The following PCDHGA6 variants were observed in gnomAD, a reference collection of about 807,000 sequenced individuals.
PCDHGA6 encodes the protein protocadherin gamma subfamily A, 6, also known as protocadherin gamma-A6.
In PCDHGA6, 41 loss-of-function variants were observed where a neutral mutation model predicts 60.6. The observed-to-expected ratio is 0.68, with a 90% CI of 0.53 to 0.88. The LOEUF is 0.88. PCDHGA6 is among the 40% of genes least tolerant of loss of function. The pLI, the probability that PCDHGA6 is intolerant of heterozygous loss-of-function variation, is 0.00. For missense variants in PCDHGA6, 1,312 were observed against 1,203.0 expected (o/e 1.09, Z -1.34); for synonymous variants, 594 against 524.4 (o/e 1.13, Z -1.81).
chr5:141,432,800 C>T lies in PCDHGA6; in HGVS notation c.2424+56293C>T. The T allele has an allele frequency of 6.2e-7, 1 of 1,614,156 alleles. No individual in the cohort carries two copies. The highest frequency in any genetic ancestry group is 8.5e-7 in the Non-Finnish European group (1 of 1,180,008). ...GGCGGACCTCGGCAGCCTCGAGTCT[C>T]CAGCTAACTCTGAAACCTCAGACCT... On this transcript the variant is annotated intron_variant, in intron 1 of 3. Transcript: ENST00000517434. This position sits in a 1 kb window ranked among gnomAD's most constrained non-coding sequence, Gnocchi z 6.0.
chr5:141,455,140 A>G (rs1465733732), intron 1 of PCDHGA6, among the ~76,000 whole-genome samples: 1 of 150,512 alleles, frequency 6.6e-6, no homozygotes, highest in Non-Finnish European at 1.5e-5. Context: ...ACACTGTGTT[A>G]AATAAATATT....
chr5:141,495,199 G>A (rs1205495643), intron 2 of PCDHGA6, among the ~76,000 whole-genome samples: 1 of 152,164 alleles, frequency 6.6e-6, no homozygotes, highest in African/African-American at 2.4e-5. Context: ...CCCATGTACT[G>A]CCTAACCCCC....
chr5:141,384,431 C>T (rs750392601), intron 1 of PCDHGA6: 1 of 1,614,000 alleles, frequency 6.2e-7, no homozygotes, highest in South Asian at 1.1e-5. Context: ...AACTCTGACA[C>T]TGGAGTCCTG....
Position 141,374,708 on chromosome 5 carries a change from C to G in PCDHGA6, c.625C>G (p.Arg209Gly). The G allele has an allele frequency of 1.2e-6, 2 of 1,609,146 alleles. No individual in the cohort carries two copies. Among genetic ancestry groups the G allele is most frequent in the East Asian group, 2.2e-5 (1 of 44,676 alleles). The change falls in exon 1 of 4, where the codon CGC (arginine) becomes GGC (glycine). Residue 209 changes from arginine to glycine, a missense_variant. Coordinates refer to ENST00000517434, the MANE Select transcript of PCDHGA6 (RefSeq NM_018919.3). ...TLDREGEAVY[R>G]LVLTAMDGGD... is the part of the protein sequence containing the mutation. ...GGACCGGGAAGGAGAAGCCGTTTAC[C>G]GCCTGGTCCTTACTGCCATGGATGG...
rs955615446 is a variant in PCDHGA6 at position 141,420,343 on chromosome 5, ATTATT to A, written c.2424+43840_2424+43844del. Reference sequence around the variant, plus strand: ...TGCCAATATATTCCAATATAGTGGTATTATTTTAAGATTCTAGATAACTTCTTCAT... The same window carrying A: ...TGCCAATATATTCCAATATAGTGGTATTAAGATTCTAGATAACTTCTTCAT... On this transcript the variant is annotated intron_variant, in intron 1 of 3. Transcript: ENST00000517434. 8 of 1,394,426 alleles carry A rather than the reference ATTATT, an allele frequency of 5.7e-6. No homozygotes were observed. In the African/African-American group the frequency reaches 1.2e-4, roughly 20 times the overall value. 86.4% of individuals were successfully genotyped at this position (1,394,426 alleles called of 1,614,324 possible).
chr5:141,383,970 T>A (rs754557705), intron 1 of PCDHGA6: 1 of 1,613,730 alleles, frequency 6.2e-7, no homozygotes, highest in Admixed American at 1.7e-5. Context: ...GCTCAATCCC[T>A]GAAGACACAC....
chr5:141,419,084 GC>G (rs1218012099), intron 1 of PCDHGA6: 1 of 1,613,802 alleles, frequency 6.2e-7, no homozygotes, highest in African/African-American at 1.3e-5. Flanking sequence ...AACAGATGAG[GC>G]CCTGGATCGG....
At chr5:141,404,568 G>A (rs2094540345) in intron 1 of PCDHGA6, 1 of 1,613,868 alleles carries the variant, frequency 6.2e-7, no homozygotes, top group Non-Finnish European at 8.5e-7. Flanking sequence ...GACAGTGGAA[G>A]CCCACCACTT....
intron 1 of PCDHGA6, chr5:141,383,002 G>C (rs376825891): frequency 1.2e-6 from 2 of 1,613,768 alleles, no homozygotes; most frequent in African/African-American, 1.3e-5. Context: ...TCTCTACTCC[G>C]TGTCGGAGGA....
intron 1 of PCDHGA6, chr5:141,383,042 T>C (rs1397489820): frequency 6.2e-7 from 1 of 1,613,842 alleles, no homozygotes; most frequent in Non-Finnish European, 8.5e-7. Flanking sequence ...GTGGGAGACA[T>C]CGCCAAGGAC....
chr5:141,459,795 C>T (rs1394778891), intron 1 of PCDHGA6, among the ~76,000 whole-genome samples: 1 of 152,190 alleles, frequency 6.6e-6, no homozygotes, highest in Non-Finnish European at 1.5e-5. Flanking sequence ...AACTGTTTTT[C>T]CCTGTTGACT....
intron 1 of PCDHGA6, among the ~76,000 whole-genome samples, chr5:141,474,763 A>G (rs2099354251): frequency 6.6e-6 from 1 of 152,254 alleles, no homozygotes; most frequent in Non-Finnish European, 1.5e-5. Flanking sequence ...ATATACAGAA[A>G]TAGTATGAGG....
chr5:141,485,074 G>C lies in PCDHGA6; in HGVS notation c.2425-9733G>C, dbSNP rs2099606548. ...GGCCGAACCGCGCCAGAGCTGGCGC[G>C]GGGAAAGGGAGATAGGTGTCTCCAG... On this transcript the variant is annotated intron_variant, in intron 1 of 3. Coordinates refer to ENST00000517434, the MANE Select transcript of PCDHGA6 (RefSeq NM_018919.3). The surrounding 1 kb of genome is among the most constrained non-coding windows in gnomAD (Gnocchi z 5.7). 1 of 926,946 alleles carries C rather than the reference G, an allele frequency of 1.1e-6. No individual in the cohort carries two copies. The highest frequency in any genetic ancestry group is 1.6e-5 in the South Asian group (1 of 62,606). The allele number at this position is 926,946 out of a possible 1,614,324, so 57.4% of individuals were successfully genotyped here.
intron 1 of PCDHGA6, chr5:141,390,614 G>C (rs184586504): frequency 4.8e-5 from 14 of 289,200 alleles, no homozygotes; most frequent in Admixed American, 2.4e-4. Context: ...TTTCCTTCTT[G>C]TTGACTAATA....
At chr5:141,415,688 T>A (rs373105795) in intron 1 of PCDHGA6, 395 of 1,545,880 alleles carry the variant, frequency 2.6e-4, no homozygotes, top group Non-Finnish European at 3.3e-4. Context: ...GGCATGATGG[T>A]GGAAAGTGTA....
chr5:141,432,991 C>T lies in PCDHGA6; in HGVS notation c.2424+56484C>T. ...CGGCGTCGCACTTTGTGGGCGTGGA[C>T]GGGGTGCAGGCTTTCCTGCAGACCT... is the stretch of plus-strand genomic sequence containing the variant. On this transcript the variant is annotated intron_variant, in intron 1 of 3. Coordinates refer to ENST00000517434, the MANE Select transcript of PCDHGA6 (RefSeq NM_018919.3). This position sits in a 1 kb window ranked among gnomAD's most constrained non-coding sequence, Gnocchi z 6.0. 6.2e-7 allele frequency: 1 copy of T among 1,614,200 alleles called. No individual in the cohort carries two copies. The highest frequency in any genetic ancestry group is 8.5e-7 in the Non-Finnish European group (1 of 1,180,030).
Position 141,485,200 on chromosome 5 carries a change from A to C in PCDHGA6, c.2425-9607A>C. 1 of 1,614,116 alleles carries C rather than the reference A, an allele frequency of 6.2e-7. No homozygotes were observed. The highest frequency in any genetic ancestry group is 2.2e-5 in the East Asian group (1 of 44,872). ...TGCTCCGCAAGGTGAGAAGCTGGAC[A>C]GAAATCTGGCGGTGGGCTACCCTTT... On this transcript the variant is annotated intron_variant, in intron 1 of 3. Coordinates refer to ENST00000517434, the MANE Select transcript of PCDHGA6 (RefSeq NM_018919.3). This position sits in a 1 kb window ranked among gnomAD's most constrained non-coding sequence, Gnocchi z 5.7.
intron 1 of PCDHGA6, chr5:141,389,506 G>A: frequency 1.9e-6 from 3 of 1,613,112 alleles, no homozygotes; most frequent in Non-Finnish European, 2.5e-6. Context: ...CCAGCGCTCA[G>A]CGCGAACGTG....
At chr5:141,416,132 A>G (rs939839074) in intron 1 of PCDHGA6, 1 of 153,964 alleles carries the variant, frequency 6.5e-6, no homozygotes, top group Non-Finnish European at 1.4e-5. Flanking sequence ...ATATTTTTCA[A>G]TCTATACTTT....
Sources: gnomAD v4.1 joint callset for allele counts (sites outside exome capture counted in the v4.1 genomes callset) on GRCh38, gnomAD v4.1.1 for gene constraint, Gnocchi (gnomAD v3.1) non-coding constraint, MANE v1.5 for transcripts, NCBI Gene and HGNC (gene_info 2026-07-23, HGNC 2026-07-21) for gene names.